Variants in PLCB1 observed in about 807,000 individuals in gnomAD.
The protein encoded by PLCB1 is phospholipase C beta 1, also known as 1-phosphatidylinositol 4,5-bisphosphate phosphodiesterase beta-1.
A neutral mutation model predicts 161.8 loss-of-function variants in PLCB1; 46 were observed. The observed-to-expected ratio is 0.28, with a 90% confidence interval of 0.22 to 0.36. PLCB1 has a LOEUF of 0.36. PLCB1 is among the 10% of genes least tolerant of loss of function. The pLI is 1.00. For missense variants in PLCB1, 1,016 were observed against 1,472.5 expected, an observed-to-expected ratio of 0.69 and a Z score of 5.07; for synonymous variants, 517 against 503.7, an observed-to-expected ratio of 1.03 and a Z score of -0.35.
intron 2 of PLCB1, among the ~76,000 whole-genome samples, chr20:8,217,301 G>A (rs1451762027): frequency 6.6e-6 from 1 of 152,112 alleles, no homozygotes; most frequent in Non-Finnish European, 1.5e-5. Flanking sequence ...CATGGGGTCA[G>A]AGCCTCAGGA....
chr20:8,207,694 C>T (rs1038014903), intron 2 of PLCB1, among the ~76,000 whole-genome samples: 7 of 152,128 alleles, frequency 4.6e-5, no homozygotes, highest in African/African-American at 1.7e-4. Context: ...AATTCTCCCA[C>T]CTCAGACTCC....
At chr20:8,436,312 AGAGT>A (rs2122595325) in intron 3 of PLCB1, among the ~76,000 whole-genome samples, 1 of 146,412 alleles carries the variant, frequency 6.8e-6, no homozygotes, top group African/African-American at 2.5e-5. Context: ...TCTGGGTGAC[AGAGT>A]GAGACCCTGT....
chr20:8,796,023 A>G (rs182117700), intron 31 of PLCB1, among the ~76,000 whole-genome samples: 8 of 152,274 alleles, frequency 5.3e-5, no homozygotes, highest in Admixed American at 4.6e-4. Flanking sequence ...TATTTAATGA[A>G]CTATCTCCAT....
At chr20:8,405,238 CG>C (rs1978734523) in intron 3 of PLCB1, among the ~76,000 whole-genome samples, 1 of 152,048 alleles carries the variant, frequency 6.6e-6, no homozygotes, top group South Asian at 2.1e-4. Flanking sequence ...TCACATGTTT[CG>C]AGGTCATCTG....
At position 8,814,349 on chromosome 20, in the gene PLCB1, T is replaced by C. The variant is rs77394896; in HGVS notation, c.3423+24088T>C. ...CTAATTTAGTTGAGAAACCTAAATATTACATTTCGAGAATGAATTTAACAC... is the reference window on the plus strand; with the variant it reads ...CTAATTTAGTTGAGAAACCTAAATACTACATTTCGAGAATGAATTTAACAC... On this transcript the variant is annotated intron_variant, in intron 31 of 31. Coordinates refer to ENST00000338037, the MANE Select transcript of PLCB1 (RefSeq NM_015192.4). 2.0e-5 allele frequency among the ~76,000 whole-genome samples: 3 copies of C among 152,312 alleles called. No homozygotes were observed. In the East Asian group the frequency reaches 5.8e-4, roughly 29 times the overall value.
chr20:8,505,855 A>G (rs1983617483), intron 3 of PLCB1, among the ~76,000 whole-genome samples: 1 of 152,218 alleles, frequency 6.6e-6, no homozygotes, highest in African/African-American at 2.4e-5. Flanking sequence ...TTAATTAAAG[A>G]TGGGTTAGAT....
chr20:8,344,643 G>GTA (rs1985931259), intron 2 of PLCB1, among the ~76,000 whole-genome samples: 1 of 152,112 alleles, frequency 6.6e-6, no homozygotes, highest in South Asian at 2.1e-4. Context: ...GTCCCCTGTA[G>GTA]TATATCTGCT....
At chr20:8,757,419 G>A (rs916539351) in intron 24 of PLCB1, among the ~76,000 whole-genome samples, 3 of 152,188 alleles carry the variant, frequency 2.0e-5, no homozygotes, top group Non-Finnish European at 2.9e-5. Flanking sequence ...GATTTCCGGT[G>A]TCCTTTTTCA....
chr20:8,241,968 A>C (rs1980635915), intron 2 of PLCB1, among the ~76,000 whole-genome samples: 1 of 151,996 alleles, frequency 6.6e-6, no homozygotes, highest in Admixed American at 6.6e-5. Context: ...GTTAATGTAC[A>C]AGAACAGAGC....
At chr20:8,331,948 C>T (rs1249753658) in intron 2 of PLCB1, among the ~76,000 whole-genome samples, 1 of 152,142 alleles carries the variant, frequency 6.6e-6, no homozygotes, top group Non-Finnish European at 1.5e-5. Flanking sequence ...AGGATTTAGG[C>T]TTATGTGTCC....
Position 8,609,672 on chromosome 20 carries a change from C to T in PLCB1, c.247-18622C>T, listed in dbSNP as rs538240059. On this transcript the variant is annotated intron_variant, in intron 3 of 31. Coordinates refer to ENST00000338037, the MANE Select transcript of PLCB1 (RefSeq NM_015192.4). ...GGTTCTTTTTTTAAGAGATGGGAGT[C>T]GTGCTGTGTCAACCAGGCTTAAGTG... 2.0e-4 allele frequency among the ~76,000 whole-genome samples: 31 copies of T among 152,180 alleles called. 1 individual carries two copies. Among genetic ancestry groups the T allele is most frequent in the East Asian group, 7.7e-4 (4 of 5,174 alleles).
chr20:8,325,043 A>G (rs1055601204), intron 2 of PLCB1, among the ~76,000 whole-genome samples: 2 of 152,196 alleles, frequency 1.3e-5, no homozygotes, highest in Non-Finnish European at 2.9e-5. Flanking sequence ...TTGCATTTAA[A>G]CTGAAGTTTT....
At chr20:8,134,259 C>T (rs758507774) in intron 1 of PLCB1, among the ~76,000 whole-genome samples, 11 of 152,158 alleles carry the variant, frequency 7.2e-5, no homozygotes, top group Non-Finnish European at 1.6e-4. Flanking sequence ...ATAAACAAGA[C>T]GGTCTTGCCC....
Position 8,668,480 on chromosome 20 carries a change from G to A in PLCB1, c.862+9776G>A, listed in dbSNP as rs367613822. Among the ~76,000 whole-genome samples, 20 of 152,270 alleles carry A rather than the reference G, an allele frequency of 1.3e-4. 1 individual carries two copies. The highest frequency in any genetic ancestry group is 1.0e-3 in the Admixed American group (16 of 15,294). On this transcript the variant is annotated intron_variant, in intron 9 of 31. Transcript: ENST00000338037. Reference sequence around the variant, plus strand: ...TATGTAGAAAATGAGCCCAAAAAATGCTTCTGAACAATGTGGCTATATGTC... The same window carrying A: ...TATGTAGAAAATGAGCCCAAAAAATACTTCTGAACAATGTGGCTATATGTC...
chr20:8,154,816 T>C (rs1296995099), intron 2 of PLCB1, among the ~76,000 whole-genome samples: 1 of 152,190 alleles, frequency 6.6e-6, no homozygotes, highest in Non-Finnish European at 1.5e-5. Context: ...TTAGCTGTTA[T>C]AAATGTTGCA....
chr20:8,776,851 AG>A (rs1466410630), intron 27 of PLCB1, among the ~76,000 whole-genome samples: 3 of 152,342 alleles, frequency 2.0e-5, no homozygotes, highest in Admixed American at 2.0e-4. Flanking sequence ...ATAAGGGCTT[AG>A]GAGAAAAACA....
At chr20:8,229,911 C>T (rs1202111150) in intron 2 of PLCB1, among the ~76,000 whole-genome samples, 1 of 125,308 alleles carries the variant, frequency 8.0e-6, no homozygotes, top group Non-Finnish European at 1.8e-5. Context: ...AATAATTTAG[C>T]CAGATATGGG....
In PLCB1 at chr20:8,590,256, C is replaced by A. The variant is rs1051278692; in HGVS notation, c.247-38038C>A. 2.6e-5 allele frequency among the ~76,000 whole-genome samples: 4 copies of A among 152,190 alleles called. No homozygotes were observed. In the South Asian group the frequency reaches 8.3e-4, roughly 32 times the overall value. On this transcript the variant is annotated intron_variant, in intron 3 of 31. Transcript: ENST00000338037. Reference sequence around the variant, plus strand: ...CCAAGGAAATTCCCAGCACAATGTACCTATGACAAATTCGGAAGTCGTATG... The same window carrying A: ...CCAAGGAAATTCCCAGCACAATGTAACTATGACAAATTCGGAAGTCGTATG...
At chr20:8,749,136 C>T (rs1037719468) in intron 23 of PLCB1, among the ~76,000 whole-genome samples, 5 of 152,158 alleles carry the variant, frequency 3.3e-5, no homozygotes, top group African/African-American at 1.2e-4. Context: ...ACCAGAATCA[C>T]CCAGATGGCT....
Sources: allele counts gnomAD v4.1 joint callset (sites outside exome capture counted in the v4.1 genomes callset), GRCh38; gene constraint gnomAD v4.1.1; transcripts MANE v1.5; gene names NCBI Gene and HGNC (gene_info 2026-07-23, HGNC 2026-07-21).